SLC5A8: variants seen among roughly 807,000 people sequenced by gnomAD.
SLC5A8 encodes the protein solute carrier family 5 member 8, also known as sodium-coupled monocarboxylate transporter 1.
Under a neutral mutation model 71.9 loss-of-function variants are expected in SLC5A8, and 55 were observed. The observed-to-expected ratio is 0.77, with a 90% CI of 0.62 to 0.96. The LOEUF (loss-of-function observed/expected upper bound fraction) is 0.96, where lower values mean the gene tolerates loss of function less well. Ranked by LOEUF, SLC5A8 falls within the 40% of genes least tolerant of loss-of-function variation. SLC5A8 has a pLI of 0.00. For synonymous variants in SLC5A8, 307 were observed against 276.1 expected, an observed-to-expected ratio of 1.11 and a Z score of -1.11; for missense variants, 701 against 745.3, an observed-to-expected ratio of 0.94 and a Z score of 0.69.
At chr12:101,176,919 G>A (rs1219976925) in intron 10 of SLC5A8, among the ~76,000 whole-genome samples, 1 of 151,670 alleles carries the variant, frequency 6.6e-6, no homozygotes, top group Non-Finnish European at 1.5e-5. Flanking sequence ...AAATCATAAA[G>A]ATAAAAGTTA....
intron 12 of SLC5A8, 52 bp downstream of exon 12, chr12:101,166,439 TCTA>T: frequency 6.8e-7 from 1 of 1,474,150 alleles, no homozygotes; most frequent in South Asian, 1.3e-5. Flanking sequence ...AGTGGGGTTC[TCTA>T]CTTGTTGCGT....
At chr12:101,169,107 T>C (rs2137128708) in intron 10 of SLC5A8, among the ~76,000 whole-genome samples, 1 of 152,288 alleles carries the variant, frequency 6.6e-6, no homozygotes, top group Non-Finnish European at 1.5e-5. Context: ...GATGTGATCC[T>C]GAGTCAGTTT....
rs868753107 is a variant in SLC5A8 at position 101,190,554 on chromosome 12, C to T, written c.747G>A (p.Gly249=). The change falls in exon 6 of 15, where the codon GGG becomes GGA. Residue 249 remains glycine (G), a synonymous_variant. Transcript: ENST00000536262. ...CGTAGATGCTGGTCCATGTGAAGGT[C>T]CCTCCTATAATAATTGTCCAGAAGG... ...RHTFWTIIIG[G]TFTWTSIYGV... 1.2e-6 allele frequency: 2 copies of T among 1,612,938 alleles called. No homozygotes were observed. The highest frequency in any genetic ancestry group is 1.7e-6 in the Non-Finnish European group (2 of 1,179,588).
At chr12:101,160,758 G>A (rs553227542) in intron 13 of SLC5A8, among the ~76,000 whole-genome samples, 10 of 151,954 alleles carry the variant, frequency 6.6e-5, no homozygotes, top group Admixed American at 3.3e-4. Context: ...AAAAGTAAGT[G>A]AAAAAATATC....
chr12:101,157,149 T>C lies in SLC5A8; in HGVS notation c.*130A>G, dbSNP rs764820226. 31 of 1,112,646 alleles carry C rather than the reference T, an allele frequency of 2.8e-5. No individual in the cohort carries two copies. The highest frequency in any genetic ancestry group is 3.8e-5 in the Non-Finnish European group (31 of 812,114). The allele number at this position is 1,112,646 out of a possible 1,614,324, so 68.9% of individuals were successfully genotyped here. A position where few individuals can be genotyped will look rare whatever the true frequency, so the allele number is the denominator to read the frequency against. On this transcript the variant is annotated 3_prime_UTR_variant, in exon 15 of 15. Coordinates refer to ENST00000536262, the MANE Select transcript of SLC5A8 (RefSeq NM_145913.5). ...AATGAAGATAGTCCAGACTTTGTTT[T>C]AACAAAAACTTATCCCCCAAACACT...
rs760528587 is a variant in SLC5A8 at position 101,195,184 on chromosome 12, A to C, written c.470-22T>G. 4 of 1,611,670 alleles carry C rather than the reference A, an allele frequency of 2.5e-6. No individual in the cohort carries two copies. The East Asian group carries it at 8.9e-5, about 36-fold the overall frequency. On this transcript the variant is annotated intron_variant, in intron 3 of 14. Coordinates refer to ENST00000536262, the MANE Select transcript of SLC5A8 (RefSeq NM_145913.5). ...GTGACTGTAGAAAAAAATAGAATGC[A>C]TATATAATTGTGAAATATGCACAAT...
chr12:101,162,337 C>T (rs1395811140), intron 12 of SLC5A8, among the ~76,000 whole-genome samples: 1 of 152,156 alleles, frequency 6.6e-6, no homozygotes, highest in Non-Finnish European at 1.5e-5. Flanking sequence ...TGTGATTGGA[C>T]AGTCAGCCAT....
chr12:101,208,231 A>G (rs1361062558), intron 1 of SLC5A8, among the ~76,000 whole-genome samples: 1 of 152,172 alleles, frequency 6.6e-6, no homozygotes, highest in Non-Finnish European at 1.5e-5. Flanking sequence ...ACACAGCCCC[A>G]GAGTGAATGG....
intron 6 of SLC5A8, 122 bp from the exon 7 acceptor site, chr12:101,187,637 T>G: frequency 9.4e-7 from 1 of 1,058,532 alleles, no homozygotes; most frequent in Middle Eastern, 2.2e-4. Flanking sequence ...CATTATCTTT[T>G]GATTATCGAA....
chr12:101,165,865 C>T (rs896937345), intron 12 of SLC5A8, among the ~76,000 whole-genome samples: 1 of 152,170 alleles, frequency 6.6e-6, no homozygotes, highest in African/African-American at 2.4e-5. Context: ...AAGCTGGACA[C>T]TTATATATCC....
chr12:101,197,485 AACTACT>A (rs1869236744), intron 3 of SLC5A8, among the ~76,000 whole-genome samples: 6 of 152,206 alleles, frequency 3.9e-5, no homozygotes, highest in Admixed American at 2.6e-4. Flanking sequence ...ACTACTAGTA[AACTACT>A]ACCAGTTTAC....
intron 10 of SLC5A8, among the ~76,000 whole-genome samples, chr12:101,172,013 A>T (rs73156677): frequency 0.088 from 13,397 of 152,162 alleles, 635 homozygotes; most frequent in Non-Finnish European, 0.1. Flanking sequence ...GAACAGAAGG[A>T]TAAGGAGGAC....
chr12:101,180,026 C>A lies in SLC5A8; in HGVS notation c.1233+3G>T. On this transcript the variant is annotated splice_donor_region_variant and intron_variant, in intron 10 of 14. Transcript: ENST00000536262. Reference sequence around the variant, plus strand: ...ACTTAAACCTCCAGGGGCCAGCTCTCACCTGCAACAAAGCTCCCATAAGTG... The same window carrying A: ...ACTTAAACCTCCAGGGGCCAGCTCTAACCTGCAACAAAGCTCCCATAAGTG... 6.2e-7 allele frequency: 1 copy of A among 1,613,956 alleles called. No individual in the cohort carries two copies. Among genetic ancestry groups the A allele is most frequent in the Non-Finnish European group, 8.5e-7 (1 of 1,179,866 alleles).
intron 1 of SLC5A8, among the ~76,000 whole-genome samples, chr12:101,209,238 G>A (rs1338466645): frequency 6.6e-6 from 1 of 152,170 alleles, no homozygotes; most frequent in East Asian, 1.9e-4. Flanking sequence ...GTTCACTTTG[G>A]AAGCCTCTTT....
intron 14 of SLC5A8, 52 bp downstream of exon 14, chr12:101,158,197 C>T (rs1280558871): frequency 2.4e-6 from 3 of 1,233,654 alleles, no homozygotes; most frequent in Non-Finnish European, 2.4e-6. Context: ...AGTGTTCTAT[C>T]CAGGTAATAA....
chr12:101,180,433 G>T (rs1193304141), intron 9 of SLC5A8, among the ~76,000 whole-genome samples: 1 of 152,080 alleles, frequency 6.6e-6, no homozygotes, highest in Non-Finnish European at 1.5e-5. Flanking sequence ...ATAAAGAAAG[G>T]CTCAGGTCTC....
chr12:101,158,598 C>CTCTCTCTATATATATATA (rs1411795424), intron 13 of SLC5A8, among the ~76,000 whole-genome samples: 4 of 21,234 alleles, frequency 1.9e-4, no homozygotes, highest in Non-Finnish European at 2.6e-4. Context: ...CTCTCTCTCT[C>CTCTCTCTATATATATATA]TATATATATA....
chr12:101,174,428 G>A (rs2051860284), intron 10 of SLC5A8, among the ~76,000 whole-genome samples: 1 of 152,210 alleles, frequency 6.6e-6, no homozygotes, highest in Admixed American at 6.5e-5. Context: ...GAACTGACCA[G>A]AGAGTCTTCA....
In SLC5A8 at chr12:101,193,647, C is replaced by T. The variant is rs1215789113; in HGVS notation, c.670G>A (p.Gly224Ser). 1 of 1,613,514 alleles carries T rather than the reference C, an allele frequency of 6.2e-7. No individual in the cohort carries two copies. Among genetic ancestry groups the T allele is most frequent in the African/African-American group, 1.3e-5 (1 of 74,896 alleles). Reference protein sequence around the residue: ...ISTILNDAYDGGRLNFWNFNP... With the variant: ...ISTILNDAYDSGRLNFWNFNP... Reference sequence around the variant, plus strand: ...TACTTCCAGAAATTTAATCTTCCACCATCATAGGCATCATTTAAAATAGTG... The same window carrying T: ...TACTTCCAGAAATTTAATCTTCCACTATCATAGGCATCATTTAAAATAGTG... The change falls in exon 5 of 15, where the codon GGT becomes AGT. Residue 224 changes from glycine to serine, a missense_variant. Transcript: ENST00000536262.
Sources: allele counts gnomAD v4.1 joint callset (sites outside exome capture counted in the v4.1 genomes callset), GRCh38; gene constraint gnomAD v4.1.1; transcripts MANE v1.5; gene names NCBI Gene and HGNC (gene_info 2026-07-23, HGNC 2026-07-21).